Variants in NAV2 observed in about 807,000 individuals in gnomAD.
NAV2 encodes the protein neuron navigator 2, also known as helicase, APC down-regulated 1.
NAV2 carries 54 observed loss-of-function variants against 223.2 expected under a neutral mutation model. That is an observed-to-expected ratio of 0.24 (90% CI 0.19 to 0.30). The LOEUF (loss-of-function observed/expected upper bound fraction) is 0.30. NAV2 is among the 10% of genes least tolerant of loss of function. NAV2 has a pLI of 1.00. For synonymous variants in NAV2, 1,279 were observed against 1,239.3 expected, an observed-to-expected ratio of 1.03 and a Z score of -0.67; for missense variants, 2,806 against 3,147.5, an observed-to-expected ratio of 0.89 and a Z score of 2.60.
In NAV2 at chr11:20,118,562, G is replaced by A. The variant is rs2436186; in HGVS notation, c.*304G>A. The A allele has an allele frequency of 5.6e-3, 1,177 of 208,580 alleles. 10 individuals are homozygous for A. Among genetic ancestry groups the A allele is most frequent in the African/African-American group, 0.026 (1,091 of 42,602 alleles). 12.9% of individuals were successfully genotyped at this position (208,580 alleles called of 1,614,324 possible). A position where few individuals can be genotyped will look rare whatever the true frequency, so the allele number is the denominator to read the frequency against. On this transcript the variant is annotated 3_prime_UTR_variant, in exon 38 of 38. Transcript: ENST00000349880. ...TACTTCTCGGGAAAGGATCATCGCC[G>A]TTGAAATGAAAAGAGAGACAGAGAG...
At chr11:19,740,044 C>T (rs2052659755) in intron 1 of NAV2, among the ~76,000 whole-genome samples, 1 of 152,156 alleles carries the variant, frequency 6.6e-6, no homozygotes, top group African/African-American at 2.4e-5. Flanking sequence ...TGGAGGGCAG[C>T]CACTGGGAGC....
At chr11:19,789,815 G>A (rs1378900960) in intron 1 of NAV2, among the ~76,000 whole-genome samples, 1 of 152,158 alleles carries the variant, frequency 6.6e-6, no homozygotes, top group Admixed American at 6.5e-5. Context: ...CCCCCTTTCT[G>A]GACCAGACTC....
At chr11:19,560,142 G>C (rs1208140527) in intron 1 of NAV2, among the ~76,000 whole-genome samples, 1 of 152,136 alleles carries the variant, frequency 6.6e-6, no homozygotes, top group Non-Finnish European at 1.5e-5. Context: ...CTCAGAATCG[G>C]TGGTAAAAGA....
At chr11:19,612,632 A>G (rs1045938945) in intron 1 of NAV2, among the ~76,000 whole-genome samples, 23 of 152,276 alleles carry the variant, frequency 1.5e-4, no homozygotes, top group Admixed American at 1.2e-3. Flanking sequence ...AGTTGCCTTT[A>G]CTTCAGTTCC....
At chr11:20,040,344 A>G (rs1439724222) in intron 12 of NAV2, among the ~76,000 whole-genome samples, 10 of 152,354 alleles carry the variant, frequency 6.6e-5, no homozygotes, top group African/African-American at 2.4e-4. Context: ...GAGGCAGGAA[A>G]GTTGGTAATG....
At chr11:19,782,854 C>CAGGGTAACAAGA (rs2152687040) in intron 1 of NAV2, among the ~76,000 whole-genome samples, 1 of 152,280 alleles carries the variant, frequency 6.6e-6, no homozygotes, top group African/African-American at 2.4e-5. Flanking sequence ...ATTGTTTAAA[C>CAGGGTAACAAGA]AGGGTAACAA....
intron 1 of NAV2, among the ~76,000 whole-genome samples, chr11:19,716,047 G>A (rs12362776): frequency 0.071 from 10,530 of 147,606 alleles, 515 homozygotes; most frequent in South Asian, 0.15. Context: ...GCCTGATAGG[G>A]TACCCATTCC....
rs1051251186 is a variant in NAV2 at position 19,398,901 on chromosome 11, G to A, written c.75+47874G>A. On this transcript the variant is annotated intron_variant, in intron 1 of 37. Coordinates refer to the NAV2 transcript ENST00000360655. Reference sequence around the variant, plus strand: ...CTAGCAAACACTTTTCCTGAACTCAGGGTCACTGTTGCTTAAGTCGCAGCT... The same window carrying A: ...CTAGCAAACACTTTTCCTGAACTCAAGGTCACTGTTGCTTAAGTCGCAGCT... Among the ~76,000 whole-genome samples the A allele has an allele frequency of 2.6e-5, 4 of 152,216 alleles. No individual in the cohort carries two copies. In the South Asian group the frequency reaches 8.3e-4, roughly 32 times the overall value.
intron 1 of NAV2, among the ~76,000 whole-genome samples, chr11:19,643,169 A>G (rs1364088597): frequency 6.6e-6 from 1 of 151,936 alleles, no homozygotes; most frequent in Non-Finnish European, 1.5e-5. Context: ...TCTTTTTTAA[A>G]ATTTTTTTAT....
intron 1 of NAV2, among the ~76,000 whole-genome samples, chr11:19,782,859 T>A (rs181586452): frequency 6.6e-6 from 1 of 152,282 alleles, no homozygotes; most frequent in East Asian, 1.9e-4. Context: ...TTAAACAGGG[T>A]AACAAGAAGG....
intron 1 of NAV2, among the ~76,000 whole-genome samples, chr11:19,519,107 T>C (rs1216398894): frequency 6.6e-6 from 1 of 152,230 alleles, no homozygotes; most frequent in East Asian, 1.9e-4. Flanking sequence ...TCTATGGTAT[T>C]TTGTTATAGC....
intron 1 of NAV2, among the ~76,000 whole-genome samples, chr11:19,798,939 T>G (rs2058074954): frequency 6.6e-6 from 1 of 152,126 alleles, no homozygotes; most frequent in Admixed American, 6.5e-5. Context: ...CAGTCAGTAT[T>G]CTTGTAACCC....
chr11:19,765,599 G>C (rs1220920416), intron 1 of NAV2, among the ~76,000 whole-genome samples: 2 of 152,136 alleles, frequency 1.3e-5, no homozygotes, highest in Non-Finnish European at 2.9e-5. Context: ...GCTGACTCTT[G>C]CTCTATACAA....
At chr11:20,072,722 T>C (rs1320382042) in intron 22 of NAV2, among the ~76,000 whole-genome samples, 1 of 152,200 alleles carries the variant, frequency 6.6e-6, no homozygotes, top group East Asian at 1.9e-4. Flanking sequence ...TCACTCATGA[T>C]TTGGTTCTCT....
chr11:20,118,272 C>G lies in NAV2; in HGVS notation c.*14C>G. 6.2e-7 allele frequency: 1 copy of G among 1,613,192 alleles called. No homozygotes were observed. ...TCCACTCTGTGACAGGGGCCCGGAG[C>G]CCAGCGCCCTCCTCTTCTCCTCACC... On this transcript the variant is annotated 3_prime_UTR_variant, in exon 38 of 38. Transcript: ENST00000349880.
chr11:19,687,228 G>T lies in NAV2; in HGVS notation c.76-145256G>T, dbSNP rs114346127. On this transcript the variant is annotated intron_variant, in intron 1 of 37. Coordinates refer to the NAV2 transcript ENST00000360655. ...TCAGCCCAGCATCTCCGAAACACTG[G>T]TAGCCCTGGGAGCCATACAGCAGCT... is the stretch of plus-strand genomic sequence containing the variant. 8.5e-3 allele frequency among the ~76,000 whole-genome samples: 1,293 copies of T among 152,288 alleles called. 19 individuals are homozygous for T. The highest frequency in any genetic ancestry group is 0.029 in the African/African-American group (1,210 of 41,556).
chr11:19,605,643 A>C (rs2046457641), intron 1 of NAV2, among the ~76,000 whole-genome samples: 1 of 152,100 alleles, frequency 6.6e-6, no homozygotes, highest in Non-Finnish European at 1.5e-5. Context: ...AGGAGGGTAG[A>C]CACAGGCCTC....
At chr11:19,430,783 C>G (rs980546338) in intron 1 of NAV2, among the ~76,000 whole-genome samples, 1 of 152,196 alleles carries the variant, frequency 6.6e-6, no homozygotes, top group African/African-American at 2.4e-5. Context: ...TTCTTTGTCC[C>G]CTCCAATTCA....
intron 2 of NAV2, among the ~76,000 whole-genome samples, chr11:19,837,148 GGGGACA>G (rs1169186517): frequency 6.6e-6 from 1 of 152,136 alleles, no homozygotes; most frequent in Non-Finnish European, 1.5e-5. Flanking sequence ...AATCCAATCT[GGGGACA>G]GTGTGAACAT....
Sources: gnomAD v4.1 joint callset for allele counts (sites outside exome capture counted in the v4.1 genomes callset) on GRCh38, gnomAD v4.1.1 for gene constraint, MANE v1.5 for transcripts, NCBI Gene and HGNC (gene_info 2026-07-23, HGNC 2026-07-21) for gene names.